Variants in METTL8 observed in about 807,000 individuals in gnomAD.
METTL8 encodes the protein methyltransferase 8, tRNA N3-cytidine.
METTL8 carries 32 observed loss-of-function variants against 48.7 expected under a neutral mutation model. The observed-to-expected ratio is 0.66, with a 90% CI of 0.50 to 0.88. The LOEUF is 0.88. Among genes scored for constraint, METTL8 ranks in the 40% least tolerant of loss-of-function variants. The pLI, the probability that METTL8 is intolerant of heterozygous loss-of-function variation, is 0.00. For synonymous variants in METTL8, 136 were observed against 157.1 expected, an observed-to-expected ratio of 0.87 and a Z score of 1.01; for missense variants, 464 against 474.4, an observed-to-expected ratio of 0.98 and a Z score of 0.20.
At chr2:171,381,777 A>T (rs1687569139) in intron 2 of METTL8, among the ~76,000 whole-genome samples, 3 of 147,066 alleles carry the variant, frequency 2.0e-5, no homozygotes, top group African/African-American at 7.7e-5. Flanking sequence ...ACAATTAGGA[A>T]CACTTTTTTT....
intron 3 of METTL8, among the ~76,000 whole-genome samples, chr2:171,348,492 G>A (rs192510435): frequency 1.2e-4 from 19 of 152,166 alleles, no homozygotes; most frequent in African/African-American, 3.9e-4. Context: ...TTCATCTAAC[G>A]GTTACACTGA....
chr2:171,355,829 A>G (rs1164178178), intron 3 of METTL8, among the ~76,000 whole-genome samples: 1 of 152,180 alleles, frequency 6.6e-6, no homozygotes, highest in Non-Finnish European at 1.5e-5. Flanking sequence ...GCGCAGTATT[A>G]GGGAGGGAGT....
chr2:171,433,131 G>GCACTCA (rs1200947284), intron 1 of METTL8: 3 of 152,252 alleles, frequency 2.0e-5, no homozygotes, highest in Admixed American at 6.5e-5. Context: ...ATCGCAGGGA[G>GCACTCA]CACTCACACT....
intron 1 of METTL8, among the ~76,000 whole-genome samples, chr2:171,397,297 G>A (rs140306170): frequency 5.7e-5 from 8 of 140,756 alleles, no homozygotes; most frequent in Non-Finnish European, 1.1e-4. Context: ...GTGGGCAGAT[G>A]GCTTGAGGCC....
At chr2:171,363,709 C>A (rs1685395048) in intron 2 of METTL8, among the ~76,000 whole-genome samples, 1 of 146,806 alleles carries the variant, frequency 6.8e-6, no homozygotes, top group African/African-American at 2.5e-5. Context: ...ATTATGCAGA[C>A]ATTAAGATAA....
At chr2:171,430,615 G>T (rs188194574) in intron 1 of METTL8, among the ~76,000 whole-genome samples, 153 of 152,280 alleles carry the variant, frequency 1.0e-3, no homozygotes, top group Non-Finnish European at 1.5e-3. Flanking sequence ...GTGACAGCTT[G>T]TGCTTTAGGA....
intron 3 of METTL8, among the ~76,000 whole-genome samples, chr2:171,348,688 ATAT>A (rs1683557347): frequency 6.6e-6 from 1 of 152,114 alleles, no homozygotes; most frequent in Non-Finnish European, 1.5e-5. Flanking sequence ...ATTAATAGTA[ATAT>A]TCTGTTTCTT....
chr2:171,340,199 A>C (rs1178630759), intron 3 of METTL8, among the ~76,000 whole-genome samples: 1 of 348 alleles, frequency 2.9e-3, no homozygotes, highest in African/African-American at 3.8e-3. Flanking sequence ...ACTCTGTCTC[A>C]AAAAAAAAAA....
rs1684337800 is a variant in METTL8, at chr2:171,317,855, C to G, written c.*6317G>C. On this transcript the variant is annotated 3_prime_UTR_variant, in exon 10 of 10. Transcript: ENST00000375258. ...CAACCTGACTTGCCAGAATTAGGGT[C>G]ACTGTGCTCTGAGACACTTTGAGAT... is the stretch of plus-strand genomic sequence containing the variant. 1 of 152,206 alleles carries G rather than the reference C, an allele frequency of 6.6e-6. No homozygotes were observed. Among genetic ancestry groups the G allele is most frequent in the Non-Finnish European group, 1.5e-5 (1 of 68,052 alleles). 9.4% of individuals were successfully genotyped at this position (152,206 alleles called of 1,614,324 possible).
At chr2:171,395,137 T>TA (rs558290319) in intron 1 of METTL8, among the ~76,000 whole-genome samples, 1 of 152,222 alleles carries the variant, frequency 6.6e-6, no homozygotes, top group Non-Finnish European at 1.5e-5. Flanking sequence ...TACCTTCTCT[T>TA]AGCTCTCTTT....
At chr2:171,396,265 G>GAATAAATAAATA (rs56295899) in intron 1 of METTL8, among the ~76,000 whole-genome samples, 212 of 151,102 alleles carry the variant, frequency 1.4e-3, no homozygotes, top group South Asian at 6.1e-3. Context: ...CTGTCTCAAT[G>GAATAAATAAATA]AATAAATAAA....
chr2:171,398,546 C>T (rs1040059736), intron 1 of METTL8, among the ~76,000 whole-genome samples: 10 of 151,534 alleles, frequency 6.6e-5, no homozygotes, highest in African/African-American at 1.9e-4. Context: ...AGGGGAGGGG[C>T]GAGAGGAAAC....
At chr2:171,412,025 C>T (rs1351981277) in intron 1 of METTL8, among the ~76,000 whole-genome samples, 1 of 152,178 alleles carries the variant, frequency 6.6e-6, no homozygotes, top group East Asian at 1.9e-4. Flanking sequence ...CTGTTCATCA[C>T]ACTAATAATA....
chr2:171,358,552 T>C (rs1327156797), intron 3 of METTL8, among the ~76,000 whole-genome samples: 3 of 152,064 alleles, frequency 2.0e-5, no homozygotes, highest in Non-Finnish European at 4.4e-5. Context: ...CAAGTACATA[T>C]GATGGGGAAA....
chr2:171,411,643 A>G (rs1360720175), intron 1 of METTL8, among the ~76,000 whole-genome samples: 1 of 152,206 alleles, frequency 6.6e-6, no homozygotes, highest in Non-Finnish European at 1.5e-5. Context: ...GTACATCGCT[A>G]CTCCATATCT....
chr2:171,386,996 A>AG (rs1688118470), intron 2 of METTL8, among the ~76,000 whole-genome samples: 1 of 152,100 alleles, frequency 6.6e-6, no homozygotes, highest in African/African-American at 2.4e-5. Flanking sequence ...TCCAGGGGAA[A>AG]ACCATCTCCC....
In METTL8 at chr2:171,330,656, G is replaced by C; in HGVS notation, c.763C>G (p.His255Asp). Residue 255 changes from histidine to aspartate, a missense_variant, in exon 7 of 10, where the codon CAT becomes GAT. Transcript: ENST00000375258. ...YRATQCFAFV[H>D]DVCDDGLPYP... ...GGTAAGCCATCATCACATACATCATGAACAAAGGCAAAACACTGGGTTGCT... is the reference window on the plus strand; with the variant it reads ...GGTAAGCCATCATCACATACATCATCAACAAAGGCAAAACACTGGGTTGCT... 6.2e-7 allele frequency: 1 copy of C among 1,613,524 alleles called. No individual in the cohort carries two copies. The highest frequency in any genetic ancestry group is 8.5e-7 in the Non-Finnish European group (1 of 1,179,784).
intron 5 of METTL8, among the ~76,000 whole-genome samples, chr2:171,334,439 A>C (rs1275460790): frequency 1.3e-5 from 2 of 152,158 alleles, no homozygotes; most frequent in Non-Finnish European, 2.9e-5. Context: ...TACTACCACC[A>C]CACCACCAAG....
intron 1 of METTL8, among the ~76,000 whole-genome samples, chr2:171,415,769 T>C (rs1459745511): frequency 6.6e-6 from 1 of 152,172 alleles, no homozygotes; most frequent in East Asian, 1.9e-4. Context: ...GGATCCACTC[T>C]AGGGAATAAA....
Sources: allele counts gnomAD v4.1 joint callset (sites outside exome capture counted in the v4.1 genomes callset), GRCh38; gene constraint gnomAD v4.1.1; transcripts MANE v1.5; gene names NCBI Gene and HGNC (gene_info 2026-07-23, HGNC 2026-07-21).